SHISA9: variants seen among roughly 807,000 people sequenced by gnomAD.
SHISA9 encodes protein shisa-9.
In SHISA9, 13 loss-of-function variants were observed where a neutral mutation model predicts 38.0. That is an observed-to-expected ratio of 0.34 (90% CI 0.22 to 0.54). The LOEUF (loss-of-function observed/expected upper bound fraction) is 0.54. Among genes scored for constraint, SHISA9 ranks in the 20% least tolerant of loss-of-function variants. The pLI is 0.91. For synonymous variants in SHISA9, 275 were observed against 242.0 expected (o/e 1.14, Z -1.27); for missense variants, 538 against 575.8 (o/e 0.93, Z 0.67).
the SHISA9 span, among the ~76,000 whole-genome samples, chr16:13,383,479 A>G: frequency 6.6e-6 from 1 of 152,234 alleles, no homozygotes; most frequent in African/African-American, 2.4e-5. Context: ...AGAAAGACAA[A>G]TGAGTGCTTA....
At chr16:13,233,862 A>G (rs2051355540) in intron 4 of SHISA9, among the ~76,000 whole-genome samples, 1 of 152,168 alleles carries the variant, frequency 6.6e-6, no homozygotes, top group Admixed American at 6.5e-5. Flanking sequence ...AAAAAAATAC[A>G]AAAATTAGCC....
At chr16:13,449,848 G>A in the SHISA9 span, among the ~76,000 whole-genome samples, 1 of 152,288 alleles carries the variant, frequency 6.6e-6, no homozygotes, top group Middle Eastern at 3.4e-3. Flanking sequence ...TGGGCGCTGT[G>A]GCTCATGCCT....
intron 2 of SHISA9, among the ~76,000 whole-genome samples, chr16:13,084,097 CTA>C (rs1491096744): frequency 1.4e-5 from 1 of 73,820 alleles, no homozygotes; most frequent in Non-Finnish European, 2.9e-5. Flanking sequence ...TCATAGTTTT[CTA>C]AAAAAAAAGA....
chr16:13,303,072 C>G, the SHISA9 span, among the ~76,000 whole-genome samples: 1 of 152,142 alleles, frequency 6.6e-6, no homozygotes, highest in Non-Finnish European at 1.5e-5. Flanking sequence ...CAGACTAATA[C>G]GATGACCCAG....
At chr16:13,562,127 A>G in the SHISA9 span, among the ~76,000 whole-genome samples, 1 of 152,154 alleles carries the variant, frequency 6.6e-6, no homozygotes, top group Admixed American at 6.5e-5. Context: ...TGAAAAGTAA[A>G]TCCTTTTTCC....
intron 4 of SHISA9, among the ~76,000 whole-genome samples, chr16:13,229,873 T>A (rs1470740270): frequency 6.6e-6 from 1 of 152,216 alleles, no homozygotes; most frequent in Non-Finnish European, 1.5e-5. Context: ...AACCTGGTGC[T>A]AATGAAGGGG....
At chr16:13,246,714 G>C in the SHISA9 span, among the ~76,000 whole-genome samples, 1 of 152,136 alleles carries the variant, frequency 6.6e-6, no homozygotes, top group South Asian at 2.1e-4. Context: ...CCAACTGGAC[G>C]TTATGTGAGT....
At chr16:13,513,495 C>T in the SHISA9 span, among the ~76,000 whole-genome samples, 2 of 151,998 alleles carry the variant, frequency 1.3e-5, no homozygotes, top group East Asian at 3.9e-4. Context: ...GGGTATATAC[C>T]CCAAAAATAT....
the SHISA9 span, among the ~76,000 whole-genome samples, chr16:13,356,834 A>G: frequency 6.6e-6 from 1 of 152,174 alleles, no homozygotes; most frequent in Non-Finnish European, 1.5e-5. Context: ...TTTTACGACA[A>G]GAATTATTTA....
chr16:13,123,491 A>T (rs2050231589), intron 2 of SHISA9, among the ~76,000 whole-genome samples: 1 of 152,246 alleles, frequency 6.6e-6, no homozygotes, highest in African/African-American at 2.4e-5. Flanking sequence ...ATACCTACTC[A>T]TGAAGAAGAG....
chr16:12,990,393 C>T (rs1278777732), intron 2 of SHISA9, among the ~76,000 whole-genome samples: 3 of 152,236 alleles, frequency 2.0e-5, no homozygotes, highest in South Asian at 2.1e-4. Flanking sequence ...AGTTTACACT[C>T]CCACCAACAG....
the SHISA9 span, among the ~76,000 whole-genome samples, chr16:13,501,745 A>T: frequency 6.6e-6 from 1 of 152,086 alleles, no homozygotes; most frequent in Non-Finnish European, 1.5e-5. Context: ...GCTCAAGCCT[A>T]TAATCCCAGC....
chr16:13,281,628 C>G, the SHISA9 span, among the ~76,000 whole-genome samples: 5 of 140,176 alleles, frequency 3.6e-5, no homozygotes, highest in East Asian at 2.1e-4. Context: ...ATTATATTTT[C>G]TCTTAATTTT....
the SHISA9 span, among the ~76,000 whole-genome samples, chr16:13,358,347 T>C: frequency 6.6e-6 from 1 of 152,134 alleles, no homozygotes; most frequent in African/African-American, 2.4e-5. Context: ...ATTTTGGACT[T>C]TAAAAAGTCT....
the SHISA9 span, among the ~76,000 whole-genome samples, chr16:13,352,811 G>C: frequency 6.6e-6 from 1 of 150,890 alleles, no homozygotes; most frequent in Non-Finnish European, 1.5e-5. Flanking sequence ...GTGCTCAGTG[G>C]GGGAGCTTTT....
intron 4 of SHISA9, among the ~76,000 whole-genome samples, chr16:13,231,767 G>A (rs554633519): frequency 6.6e-6 from 1 of 152,158 alleles, no homozygotes; most frequent in Non-Finnish European, 1.5e-5. Context: ...AATGAATGAT[G>A]TCTAGCATAG....
the SHISA9 span, among the ~76,000 whole-genome samples, chr16:13,310,037 G>T: frequency 6.6e-6 from 1 of 152,002 alleles, no homozygotes; most frequent in Non-Finnish European, 1.5e-5. Context: ...ACAAGAATGC[G>T]CCACCATACC....
the SHISA9 span, among the ~76,000 whole-genome samples, chr16:13,542,880 G>A: frequency 1.3e-5 from 2 of 152,302 alleles, no homozygotes; most frequent in Admixed American, 6.5e-5. Flanking sequence ...CATCCCACAG[G>A]TTGGCTTTAC....
chr16:13,026,297 A>G (rs182066397), intron 2 of SHISA9, among the ~76,000 whole-genome samples: 1 of 152,298 alleles, frequency 6.6e-6, no homozygotes, highest in African/African-American at 2.4e-5. Context: ...ATGACGTTAG[A>G]GTCCTTATTG....
Sources: gnomAD v4.1 joint callset for allele counts (sites outside exome capture counted in the v4.1 genomes callset) on GRCh38, gnomAD v4.1.1 for gene constraint, MANE v1.5 for transcripts, NCBI Gene and HGNC (gene_info 2026-07-23, HGNC 2026-07-21) for gene names.